The following ZNF454 variants were observed in gnomAD, a reference collection of about 807,000 sequenced individuals.
ZNF454 encodes zinc finger protein 454.
A neutral mutation model predicts 48.2 loss-of-function variants in ZNF454; 30 were observed. The ratio of observed to expected loss-of-function variants is 0.62; its 90% CI spans 0.47 to 0.84. The LOEUF (loss-of-function observed/expected upper bound fraction) is 0.84. Ranked by LOEUF, ZNF454 falls within the 40% of genes least tolerant of loss-of-function variation. ZNF454 has a pLI of 0.00. For synonymous variants in ZNF454, 204 were observed against 211.4 expected, an observed-to-expected ratio of 0.97 and a Z score of 0.30; for missense variants, 510 against 623.1, an observed-to-expected ratio of 0.82 and a Z score of 1.93.
At position 178,965,124 on chromosome 5, in the gene ZNF454, C is replaced by T. The variant is rs758237207; in HGVS notation, c.720C>T (p.Gly240=). 27 of 1,613,834 alleles carry T rather than the reference C, an allele frequency of 1.7e-5. No homozygotes were observed. Among genetic ancestry groups the T allele is most frequent in the Middle Eastern group, 1.6e-4 (1 of 6,082 alleles). Reference sequence around the variant, plus strand: ...TCCATCACCAAAGAATTCACACTGGCGAGAAACCCTATGAATGTAAGGAAT... The same window carrying T: ...TCCATCACCAAAGAATTCACACTGGTGAGAAACCCTATGAATGTAAGGAAT... ...HLIHHQRIHT[G]EKPYECKECG... The change falls in exon 5 of 5, where the codon GGC becomes GGT. Residue 240 remains glycine (G), a synonymous_variant. Coordinates refer to ENST00000519564, the MANE Select transcript of ZNF454 (RefSeq NM_001178089.3). The surrounding 1 kb of genome is among the most constrained non-coding windows in gnomAD (Gnocchi z 5.2).
the ZNF454 span, chr5:178,989,103 C>T: frequency 6.8e-6 from 11 of 1,613,920 alleles, no homozygotes; most frequent in East Asian, 6.7e-5. Context: ...CCCTCCTGCT[C>T]GTAGGTGGAG....
the ZNF454 span, chr5:178,981,666 G>A: frequency 6.2e-7 from 1 of 1,613,348 alleles, no homozygotes; most frequent in Admixed American, 1.7e-5. This position sits in a 1 kb window ranked among gnomAD's most constrained non-coding sequence, Gnocchi z 5.1. Context: ...GCTACTTGTG[G>A]GCCTCTGCAT....
rs1760112792 is a variant in ZNF454 at position 178,965,342 on chromosome 5, C to A, written c.938C>A (p.Ala313Glu). 8 of 1,614,176 alleles carry A rather than the reference C, an allele frequency of 5.0e-6. No homozygotes were observed. The East Asian group carries it at 1.8e-4, about 36-fold the overall frequency. ...NICEKAFVCR[A>E]HLTKHQNIHS... ...TGTGAAAAAGCCTTTGTGTGCAGGG[C>A]ACACCTTACCAAACACCAGAATATC... The change falls in exon 5 of 5, where the codon GCA becomes GAA. Residue 313 changes from alanine (A) to glutamate (E), a missense_variant. Coordinates refer to ENST00000519564, the MANE Select transcript of ZNF454 (RefSeq NM_001178089.3). This position sits in a 1 kb window ranked among gnomAD's most constrained non-coding sequence, Gnocchi z 5.2.
In ZNF454 at chr5:178,941,288, G is replaced by A; in HGVS notation, c.-264G>A. 2.4e-6 allele frequency: 1 copy of A among 415,780 alleles called. No individual in the cohort carries two copies. Among genetic ancestry groups the A allele is most frequent in the South Asian group, 1.7e-5 (1 of 58,590 alleles). 25.8% of individuals were successfully genotyped at this position (415,780 alleles called of 1,614,324 possible). ...CGCCGGCAGAGGCTCCTCGAAGAGCGACACGGGGCTGACCAGGCACGGTGG... is the reference window on the plus strand; with the variant it reads ...CGCCGGCAGAGGCTCCTCGAAGAGCAACACGGGGCTGACCAGGCACGGTGG... On this transcript the variant is annotated 5_prime_UTR_variant, in exon 1 of 5. Coordinates refer to ENST00000519564, the MANE Select transcript of ZNF454 (RefSeq NM_001178089.3). This position sits in a 1 kb window ranked among gnomAD's most constrained non-coding sequence, Gnocchi z 5.5.
chr5:178,961,674 G>T (rs1376777281), intron 4 of ZNF454, among the ~76,000 whole-genome samples: 2 of 151,152 alleles, frequency 1.3e-5, no homozygotes, highest in African/African-American at 2.4e-5. Context: ...AAAAAAATTA[G>T]CTGGGCATGG....
chr5:178,950,073 A>G (rs963519981), intron 4 of ZNF454, among the ~76,000 whole-genome samples: 2 of 150,592 alleles, frequency 1.3e-5, no homozygotes, highest in East Asian at 3.9e-4. Context: ...AGGTCTCACT[A>G]TGTTGCCCAG....
chr5:178,952,732 T>C (rs189602292), intron 4 of ZNF454, among the ~76,000 whole-genome samples: 1 of 137,956 alleles, frequency 7.2e-6, no homozygotes. Flanking sequence ...AGTTAATTTC[T>C]AATAATATTT....
At chr5:178,981,710 T>C in the ZNF454 span, 6 of 1,613,936 alleles carry the variant, frequency 3.7e-6, no homozygotes, top group Admixed American at 3.3e-5. The surrounding 1 kb of genome is among the most constrained non-coding windows in gnomAD (Gnocchi z 5.1). Context: ...ACCGTGGAGG[T>C]GGCCTTGAGG....
At chr5:178,943,120 A>G (rs569454430) in intron 2 of ZNF454, among the ~76,000 whole-genome samples, 1 of 152,346 alleles carries the variant, frequency 6.6e-6, no homozygotes, top group South Asian at 2.1e-4. Flanking sequence ...AGGGATCTGA[A>G]GTGGTAAAAG....
At chr5:178,958,442 CTATA>C (rs1759866119) in intron 4 of ZNF454, among the ~76,000 whole-genome samples, 1 of 152,184 alleles carries the variant, frequency 6.6e-6, no homozygotes, top group Non-Finnish European at 1.5e-5. Flanking sequence ...ATTCTCATTG[CTATA>C]TAATGTTTCG....
At chr5:178,985,404 TAAA>T in the ZNF454 span, 157 of 316,716 alleles carry the variant, frequency 5.0e-4, no homozygotes, top group South Asian at 7.9e-4. Flanking sequence ...CCTGTGGCCT[TAAA>T]AAAAAAAAAA....
chr5:178,965,824 G>A lies in ZNF454; in HGVS notation c.1420G>A (p.Glu474Lys), dbSNP rs752018993. 1.2e-6 allele frequency: 2 copies of A among 1,614,080 alleles called. No homozygotes were observed. The highest frequency in any genetic ancestry group is 1.7e-6 in the Non-Finnish European group (2 of 1,180,034). ...AAAACCTTACAAATGTAAAATCTGT[G>A]AGAAAGCCTTTATCCGAAGCACTCA... is the stretch of plus-strand genomic sequence containing the variant. ...REKPYKCKICEKAFIRSTHLT... is the reference protein window; with the variant it reads ...REKPYKCKICKKAFIRSTHLT... Residue 474 changes from glutamate (E) to lysine (K), a missense_variant, in exon 5 of 5, where the codon GAG (glutamate) becomes AAG (lysine). Physicochemically the swap from Glu to Lys is moderately conservative, Grantham distance 56 (BLOSUM62 1). Coordinates refer to ENST00000519564, the MANE Select transcript of ZNF454 (RefSeq NM_001178089.3). This position sits in a 1 kb window ranked among gnomAD's most constrained non-coding sequence, Gnocchi z 5.2.
At chr5:178,989,363 C>T in the ZNF454 span, 15 of 1,613,628 alleles carry the variant, frequency 9.3e-6, no homozygotes, top group Admixed American at 6.7e-5. Context: ...GATGTTCCTG[C>T]GGTTGTTCTC....
Position 178,946,442 on chromosome 5 carries a change from C to G in ZNF454, c.117C>G (p.Tyr39Ter). Residue 39 changes from tyrosine to a stop codon, truncating the protein, a stop_gained, in exon 3 of 5, where the codon TAC becomes TAG. Coordinates refer to ENST00000519564, the MANE Select transcript of ZNF454 (RefSeq NM_001178089.3). LOFTEE classifies it high-confidence loss of function. This position sits in a 1 kb window ranked among gnomAD's most constrained non-coding sequence, Gnocchi z 4.5. Reference sequence around the variant, plus strand: ...TGAGCCCCGCCCAGAGGGCCCTGTACAGGGACGTGATGCTGGAGAACTACA... The same window carrying G: ...TGAGCCCCGCCCAGAGGGCCCTGTAGAGGGACGTGATGCTGGAGAACTACA... ...GQLSPAQRAL[Y>*]RDVMLENYSN... The G allele has an allele frequency of 1.9e-6, 3 of 1,611,206 alleles. No homozygotes were observed. Among genetic ancestry groups the G allele is most frequent in the Non-Finnish European group, 1.7e-6 (2 of 1,179,160 alleles).
the ZNF454 span, among the ~76,000 whole-genome samples, chr5:178,974,492 G>A: frequency 6.6e-6 from 1 of 152,108 alleles, no homozygotes; most frequent in Admixed American, 6.5e-5. Context: ...CTAATTTTTT[G>A]TATATTTAGT....
the ZNF454 span, among the ~76,000 whole-genome samples, chr5:178,984,877 G>A: frequency 5.9e-5 from 9 of 152,208 alleles, no homozygotes; most frequent in African/African-American, 2.2e-4. Context: ...CCTCCACCTG[G>A]CCCTGAGAAC....
In ZNF454 at chr5:178,964,779, G is replaced by A. The variant is rs1422698847; in HGVS notation, c.375G>A (p.Leu125=). The change falls in exon 5 of 5, where the codon CTG becomes CTA. Residue 125 remains leucine (L), a synonymous_variant. Coordinates refer to ENST00000519564, the MANE Select transcript of ZNF454 (RefSeq NM_001178089.3). ...GTAGTCACTGGAAGTGTGCTAGCCTGCTGGAGTGGCAATGTGGAGGCCAGG... is the reference window on the plus strand; with the variant it reads ...GTAGTCACTGGAAGTGTGCTAGCCTACTGGAGTGGCAATGTGGAGGCCAGG... ...SSSSHWKCAS[L]LEWQCGGQEI... The A allele has an allele frequency of 1.2e-6, 2 of 1,614,226 alleles. No individual in the cohort carries two copies. The highest frequency in any genetic ancestry group is 2.2e-5 in the South Asian group (2 of 91,088).
intron 4 of ZNF454, among the ~76,000 whole-genome samples, chr5:178,958,921 CT>C (rs1345101394): frequency 6.6e-6 from 1 of 152,018 alleles, no homozygotes; most frequent in East Asian, 1.9e-4. Context: ...AATGCAGAAT[CT>C]TGTCATATAT....
At chr5:178,986,310 C>A in the ZNF454 span, 3,122 of 1,613,936 alleles carry the variant, frequency 1.9e-3, 7 homozygotes, top group Non-Finnish European at 2.4e-3. Flanking sequence ...CGGCACAGAC[C>A]GCGGCCCCAG....
Sources: gnomAD v4.1 joint callset for allele counts (sites outside exome capture counted in the v4.1 genomes callset) on GRCh38, gnomAD v4.1.1 for gene constraint, Gnocchi (gnomAD v3.1) non-coding constraint, MANE v1.5 for transcripts, NCBI Gene and HGNC (gene_info 2026-07-23, HGNC 2026-07-21) for gene names.